Variants in EVA1C observed in about 807,000 individuals in gnomAD.
The protein encoded by EVA1C is eva-1 homolog C, also known as protein eva-1 homolog C.
In EVA1C, 25 loss-of-function variants were observed where a neutral mutation model predicts 45.4. That is an observed-to-expected ratio of 0.55 (90% CI 0.40 to 0.77). The LOEUF is 0.77. EVA1C is among the 30% of genes least tolerant of loss of function. The pLI is 0.00. For synonymous variants in EVA1C, 190 were observed against 221.2 expected, an observed-to-expected ratio of 0.86 and a Z score of 1.25; for missense variants, 479 against 554.8, an observed-to-expected ratio of 0.86 and a Z score of 1.37.
chr21:32,478,441 G>A (rs1480463559), intron 4 of EVA1C, among the ~76,000 whole-genome samples: 4 of 152,036 alleles, frequency 2.6e-5, no homozygotes, highest in African/African-American at 7.2e-5. Context: ...GGCTGGTCTC[G>A]AACTCCTGAC....
At position 32,472,728 on chromosome 21, in the gene EVA1C, C is replaced by T. The variant is rs560613111; in HGVS notation, c.634+4880C>T. Among the ~76,000 whole-genome samples, 9 of 152,204 alleles carry T rather than the reference C, an allele frequency of 5.9e-5. No individual in the cohort carries two copies. The East Asian group carries it at 1.5e-3, about 26-fold the overall frequency. ...GGTTTCCATGGAGAGTGGAGGAATT[C>T]TGAGGTCAGCCAGCAGTGTTAACGC... On this transcript the variant is annotated intron_variant, in intron 4 of 7. Coordinates refer to ENST00000300255, the MANE Select transcript of EVA1C (RefSeq NM_058187.5).
chr21:32,449,870 G>A (rs1243180108), intron 1 of EVA1C, among the ~76,000 whole-genome samples: 2 of 152,032 alleles, frequency 1.3e-5, no homozygotes, highest in East Asian at 1.9e-4. Flanking sequence ...TGATCTGCCC[G>A]CCTCAGCCTC....
chr21:32,418,094 C>G (rs1476107458), intron 1 of EVA1C, among the ~76,000 whole-genome samples: 2 of 152,188 alleles, frequency 1.3e-5, no homozygotes, highest in African/African-American at 4.8e-5. Context: ...ATATCAGCAC[C>G]TCGCAACACA....
intron 1 of EVA1C, among the ~76,000 whole-genome samples, chr21:32,442,683 G>T (rs566308597): frequency 5.4e-4 from 81 of 148,712 alleles, no homozygotes; most frequent in African/African-American, 1.9e-3. Context: ...AAAAAAAAGC[G>T]GGTGGGAGGG....
chr21:32,476,447 G>A (rs1381732487), intron 4 of EVA1C, among the ~76,000 whole-genome samples: 1 of 152,054 alleles, frequency 6.6e-6, no homozygotes, highest in Non-Finnish European at 1.5e-5. Context: ...TTTGAGACCA[G>A]CCTGGCCAAC....
intron 4 of EVA1C, among the ~76,000 whole-genome samples, chr21:32,481,772 G>T (rs537169602): frequency 6.6e-6 from 1 of 152,050 alleles, no homozygotes; most frequent in African/African-American, 2.4e-5. Context: ...CCTTAAAATC[G>T]ATAAGGGAGA....
At chr21:32,463,258 A>G (rs1163716491) in intron 3 of EVA1C, among the ~76,000 whole-genome samples, 2 of 152,062 alleles carry the variant, frequency 1.3e-5, no homozygotes, top group Admixed American at 6.6e-5. Context: ...TCGTGGTTCT[A>G]CCTTCCCAGG....
At chr21:32,419,666 A>T (rs1226024011) in intron 1 of EVA1C, among the ~76,000 whole-genome samples, 1 of 152,098 alleles carries the variant, frequency 6.6e-6, no homozygotes, top group Non-Finnish European at 1.5e-5. Context: ...AGTGAGCCGA[A>T]ATCGTGCTTC....
chr21:32,434,199 G>A (rs2034832606), intron 1 of EVA1C, among the ~76,000 whole-genome samples: 1 of 152,118 alleles, frequency 6.6e-6, no homozygotes, highest in African/African-American at 2.4e-5. Context: ...GGGAGGCTGA[G>A]GCAGGATAAT....
At chr21:32,510,493 T>C (rs1429174506) in intron 7 of EVA1C, among the ~76,000 whole-genome samples, 2 of 152,332 alleles carry the variant, frequency 1.3e-5, no homozygotes, top group Non-Finnish European at 2.9e-5. Context: ...AGATGGTTTA[T>C]ATATGGTCTG....
chr21:32,471,677 A>G (rs538727757), intron 4 of EVA1C, among the ~76,000 whole-genome samples: 468 of 144,068 alleles, frequency 3.2e-3, no homozygotes, highest in Admixed American at 5.3e-3. Flanking sequence ...CCCCCAGGCT[A>G]GAGTGCAGCG....
chr21:32,443,157 TGA>T (rs2035242769), intron 1 of EVA1C, among the ~76,000 whole-genome samples: 1 of 152,104 alleles, frequency 6.6e-6, no homozygotes, highest in African/African-American at 2.4e-5. Context: ...TGCTCAGAGC[TGA>T]GAGGGCTGGC....
At position 32,430,905 on chromosome 21, in the gene EVA1C, G is replaced by A. The variant is rs572283512; in HGVS notation, c.160+17892G>A. 1.4e-4 allele frequency among the ~76,000 whole-genome samples: 20 copies of A among 145,748 alleles called. No individual in the cohort carries two copies. In the South Asian group the frequency reaches 3.2e-3, roughly 24 times the overall value. On this transcript the variant is annotated intron_variant, in intron 1 of 7. Coordinates refer to ENST00000300255, the MANE Select transcript of EVA1C (RefSeq NM_058187.5). ...CGAAAATTGCTTAAACCGAGGAGGCGGAGGTTGCAGTGAGCTGAGATCACA... is the reference window on the plus strand; with the variant it reads ...CGAAAATTGCTTAAACCGAGGAGGCAGAGGTTGCAGTGAGCTGAGATCACA...
chr21:32,416,609 A>C (rs2034059398), intron 1 of EVA1C, among the ~76,000 whole-genome samples: 1 of 152,046 alleles, frequency 6.6e-6, no homozygotes, highest in Admixed American at 6.6e-5. Flanking sequence ...GATTATAGGC[A>C]TGAGCCACCG....
intron 3 of EVA1C, among the ~76,000 whole-genome samples, chr21:32,463,971 C>T (rs772954157): frequency 1.2e-4 from 18 of 152,162 alleles, no homozygotes; most frequent in Non-Finnish European, 2.4e-4. Flanking sequence ...TCCAAGCCCT[C>T]TTTTCTGCAT....
At chr21:32,469,648 T>C (rs1361270681) in intron 4 of EVA1C, among the ~76,000 whole-genome samples, 1 of 152,196 alleles carries the variant, frequency 6.6e-6, no homozygotes, top group Non-Finnish European at 1.5e-5. Context: ...GTCTGAAACC[T>C]GTAAGGCAGG....
chr21:32,490,062 C>A (rs1050757568), intron 4 of EVA1C, among the ~76,000 whole-genome samples: 28 of 152,128 alleles, frequency 1.8e-4, no homozygotes, highest in African/African-American at 6.8e-4. Context: ...CCTTGGCCTT[C>A]CAAAGTGCTG....
intron 4 of EVA1C, 28 bp from the exon 5 acceptor site, chr21:32,494,999 G>A: frequency 6.2e-7 from 1 of 1,611,150 alleles, no homozygotes; most frequent in Non-Finnish European, 8.5e-7. Context: ...GATGCAACCT[G>A]AAGTTCTGGG....
At chr21:32,417,380 A>G (rs1453534416) in intron 1 of EVA1C, among the ~76,000 whole-genome samples, 1 of 152,132 alleles carries the variant, frequency 6.6e-6, no homozygotes, top group East Asian at 1.9e-4. Context: ...GTATCTTCAC[A>G]TGGTCTTCCC....
Sources: allele counts gnomAD v4.1 joint callset (sites outside exome capture counted in the v4.1 genomes callset), GRCh38; gene constraint gnomAD v4.1.1; transcripts MANE v1.5; gene names NCBI Gene and HGNC (gene_info 2026-07-23, HGNC 2026-07-21).